Variants in PSME4 observed in about 807,000 individuals in gnomAD.
PSME4 encodes the protein proteasome activator complex subunit 4.
PSME4 carries 89 observed loss-of-function variants against 253.9 expected under a neutral mutation model. That is an observed-to-expected ratio of 0.35 (90% CI 0.30 to 0.42). PSME4 has a LOEUF of 0.42. Ranked by LOEUF, PSME4 falls within the 10% of genes least tolerant of loss-of-function variation. The pLI is 1.00. For missense variants in PSME4, 2,014 were observed against 2,195.2 expected (o/e 0.92, Z 1.65); for synonymous variants, 851 against 759.2 (o/e 1.12, Z -1.99).
At chr2:53,940,441 C>T (rs868495763) in intron 3 of PSME4, among the ~76,000 whole-genome samples, 1 of 151,938 alleles carries the variant, frequency 6.6e-6, no homozygotes, top group Non-Finnish European at 1.5e-5. Context: ...GATGAGAGTT[C>T]GATAACCCTC....
chr2:53,952,524 C>G (rs926652262), intron 1 of PSME4, among the ~76,000 whole-genome samples: 6 of 152,132 alleles, frequency 3.9e-5, no homozygotes, highest in Admixed American at 2.0e-4. Context: ...GCCTGGGCAA[C>G]AGAGAGAGAC....
At position 53,910,083 on chromosome 2, in the gene PSME4, A is replaced by C; in HGVS notation, c.2564T>G (p.Leu855Arg). The change falls in exon 21 of 47, where the codon CTT becomes CGT. Residue 855 changes from leucine (L) to arginine (R), a missense_variant. Leu to Arg is a moderately radical substitution (Grantham distance 102). Transcript: ENST00000404125. The part of the protein sequence containing the change: ...SLEETKLYTG[L>R]EYDLSRENHR... ...GATTAGGATTCACATACCATATTCA[A>C]GTCCAGTATACAACTTTGTCTCTTC... 1.2e-6 allele frequency: 2 copies of C among 1,605,678 alleles called. No individual in the cohort carries two copies. Among genetic ancestry groups the C allele is most frequent in the Non-Finnish European group, 1.7e-6 (2 of 1,172,390 alleles).
In PSME4 at chr2:53,904,168, A is replaced by G. The variant is rs1268973428; in HGVS notation, c.2944-12T>C. 1 of 1,601,082 alleles carries G rather than the reference A, an allele frequency of 6.2e-7. No homozygotes were observed. The highest frequency in any genetic ancestry group is 2.2e-5 in the East Asian group (1 of 44,722). ...GCCTTATTTCTCACCTGGAGGAAGT[A>G]TTATTAACAAAGGACTTTTATTAAA... On this transcript the variant is annotated splice_polypyrimidine_tract_variant and intron_variant, in intron 26 of 46. Transcript: ENST00000404125.
intron 20 of PSME4, among the ~76,000 whole-genome samples, chr2:53,916,357 A>T (rs1668064203): frequency 6.6e-6 from 1 of 152,170 alleles, no homozygotes; most frequent in African/African-American, 2.4e-5. Context: ...AACTGTTATT[A>T]ACAATAGATA....
intron 1 of PSME4, among the ~76,000 whole-genome samples, chr2:53,965,596 T>A (rs1220387752): frequency 3.3e-5 from 5 of 152,214 alleles, no homozygotes; most frequent in Admixed American, 6.5e-5. Context: ...AGTATTTTTT[T>A]TTTTAATGAG....
chr2:53,965,913 C>A (rs988944173), intron 1 of PSME4, among the ~76,000 whole-genome samples: 1 of 152,062 alleles, frequency 6.6e-6, no homozygotes. Context: ...ACCTTGTGAT[C>A]CACCTGCTTC....
chr2:53,908,773 G>T lies in PSME4; in HGVS notation c.2629+11C>A. ...AAAGTACAAATAAGTTAAATGTACA[G>T]ATACACTTACTAAGAAGTTTCCTTA... On this transcript the variant is annotated intron_variant, in intron 22 of 46. Transcript: ENST00000404125. 6.3e-7 allele frequency: 1 copy of T among 1,578,760 alleles called. No individual in the cohort carries two copies. The highest frequency in any genetic ancestry group is 8.7e-7 in the Non-Finnish European group (1 of 1,152,726).
intron 28 of PSME4, among the ~76,000 whole-genome samples, chr2:53,900,650 G>C (rs1680355072): frequency 6.6e-6 from 1 of 152,162 alleles, no homozygotes; most frequent in African/African-American, 2.4e-5. Flanking sequence ...TATGATATGT[G>C]AATTACATCT....
intron 1 of PSME4, among the ~76,000 whole-genome samples, chr2:53,959,662 C>G (rs1360832812): frequency 6.6e-6 from 1 of 152,056 alleles, no homozygotes; most frequent in Non-Finnish European, 1.5e-5. Context: ...GATTTTATTC[C>G]AAGACTAAGT....
intron 41 of PSME4, among the ~76,000 whole-genome samples, chr2:53,878,910 C>T (rs190287824): frequency 5.9e-5 from 9 of 152,118 alleles, no homozygotes; most frequent in Non-Finnish European, 8.8e-5. Flanking sequence ...TTGGGAAGTA[C>T]GCGATCTCTG....
At position 53,865,228 on chromosome 2, in the gene PSME4, G is replaced by T. The variant is rs1007892339; in HGVS notation, c.*350C>A. 1 of 152,572 alleles carries T rather than the reference G, an allele frequency of 6.6e-6. No individual in the cohort carries two copies. The highest frequency in any genetic ancestry group is 1.5e-5 in the Non-Finnish European group (1 of 68,046). 9.5% of individuals were successfully genotyped at this position (152,572 alleles called of 1,614,324 possible). ...AAATGACAGGACCTGTATTACAGAT[G>T]GGTATTCTCCATTCCAAGTAAACTG... is the stretch of plus-strand genomic sequence containing the variant. On this transcript the variant is annotated 3_prime_UTR_variant, in exon 47 of 47. Transcript: ENST00000404125.
At chr2:53,918,255 A>G (rs942787595) in intron 20 of PSME4, among the ~76,000 whole-genome samples, 3 of 152,176 alleles carry the variant, frequency 2.0e-5, no homozygotes, top group African/African-American at 7.2e-5. Context: ...GTAACAAGAT[A>G]TTGATGTTGA....
chr2:53,906,623 C>T lies in PSME4; in HGVS notation c.2918G>A (p.Arg973His), dbSNP rs763188055. The T allele has an allele frequency of 9.4e-6, 15 of 1,597,816 alleles. No homozygotes were observed. The highest frequency in any genetic ancestry group is 1.3e-5 in the Non-Finnish European group (15 of 1,173,028). ...CTGACTGTATGAACTTGTAGATAAA[C>T]GAAGAAGATCTCTGATCATATCTTG... ...IHQDMIRDLLRLSTSSYSQVR... is the reference protein window; with the variant it reads ...IHQDMIRDLLHLSTSSYSQVR... The change falls in exon 26 of 47, where the codon CGT becomes CAT. Residue 973 changes from arginine (R) to histidine (H), a missense_variant. Arg to His is a conservative substitution (Grantham distance 29). Transcript: ENST00000404125.
At chr2:53,876,014 G>A (rs1055158708) in intron 41 of PSME4, among the ~76,000 whole-genome samples, 3 of 151,932 alleles carry the variant, frequency 2.0e-5, no homozygotes, top group Non-Finnish European at 2.9e-5. Flanking sequence ...ATCCCTGACT[G>A]TTTCATCCTA....
At chr2:53,924,901 A>G (rs1270457225) in intron 14 of PSME4, among the ~76,000 whole-genome samples, 1 of 152,250 alleles carries the variant, frequency 6.6e-6, no homozygotes, top group Non-Finnish European at 1.5e-5. Context: ...TATGGTGACA[A>G]CATTTTCATC....
chr2:53,962,003 T>C (rs1343254533), intron 1 of PSME4, among the ~76,000 whole-genome samples: 1 of 152,158 alleles, frequency 6.6e-6, no homozygotes, highest in East Asian at 1.9e-4. Context: ...AAGTAACTTG[T>C]GGAATGCTGA....
intron 3 of PSME4, among the ~76,000 whole-genome samples, chr2:53,940,960 T>TTTAA (rs1669400982): frequency 7.4e-5 from 2 of 27,146 alleles, no homozygotes; most frequent in African/African-American, 1.2e-4. Flanking sequence ...TACATATATA[T>TTTAA]ATATATATAT....
chr2:53,933,375 C>CAAAAAAAAAAAAAAAAAAAAAAAA (rs571833072), intron 8 of PSME4, among the ~76,000 whole-genome samples: 3 of 60,618 alleles, frequency 4.9e-5, no homozygotes, highest in East Asian at 8.6e-4. Flanking sequence ...GAGACCATCT[C>CAAAAAAAAAAAAAAAAAAAAAAAA]AAAAAAAAAA....
intron 27 of PSME4, 47 bp downstream of exon 27, chr2:53,903,978 A>G (rs747322979): frequency 1.3e-6 from 2 of 1,496,822 alleles, no homozygotes; most frequent in East Asian, 4.6e-5. Flanking sequence ...TCAGCTTTTC[A>G]GTATGTTTGA....
Sources: allele counts gnomAD v4.1 joint callset (sites outside exome capture counted in the v4.1 genomes callset), GRCh38; gene constraint gnomAD v4.1.1; transcripts MANE v1.5; gene names NCBI Gene and HGNC (gene_info 2026-07-23, HGNC 2026-07-21).